COPG2: variants seen among roughly 807,000 people sequenced by gnomAD.
The protein encoded by COPG2 is coat protein complex I subunit gamma 2, also known as coatomer subunit gamma-2.
Under a neutral mutation model 46.3 loss-of-function variants are expected in COPG2, and 37 were observed. The ratio of observed to expected loss-of-function variants is 0.80; its 90% CI spans 0.61 to 1.05. COPG2 has a LOEUF of 1.05. Ranked by LOEUF, COPG2 falls within the 50% of genes least tolerant of loss-of-function variation. The pLI is 0.00. For missense variants in COPG2, 427 were observed against 387.8 expected (o/e 1.10, Z -0.85); for synonymous variants, 159 against 129.7 (o/e 1.23, Z -1.53).
chr7:130,591,960 G>C (rs1333923911), intron 9 of COPG2, among the ~76,000 whole-genome samples: 9 of 152,210 alleles, frequency 5.9e-5, no homozygotes, highest in East Asian at 1.9e-4. Flanking sequence ...GAATAGAAAG[G>C]GGGGAAAGGC....
intron 7 of COPG2, 52 bp from the exon 8 acceptor site, chr7:130,612,290 CT>C: frequency 8.8e-7 from 1 of 1,131,762 alleles, no homozygotes. Flanking sequence ...TCACTAGAAG[CT>C]TAGAAACATG....
intron 9 of COPG2, among the ~76,000 whole-genome samples, chr7:130,585,333 CTAAAAT>C (rs2116448103): frequency 6.6e-6 from 1 of 152,104 alleles, no homozygotes; most frequent in African/African-American, 2.4e-5. Flanking sequence ...GGATTAAGGA[CTAAAAT>C]CTAAGACCTG....
At chr7:130,568,241 C>T (rs1793837168) in intron 9 of COPG2, among the ~76,000 whole-genome samples, 1 of 152,074 alleles carries the variant, frequency 6.6e-6, no homozygotes, top group African/African-American at 2.4e-5. Context: ...CGCCATTGCA[C>T]TCCAGCCTGG....
intron 20 of COPG2, among the ~76,000 whole-genome samples, chr7:130,532,261 G>A (rs1222233022): frequency 2.6e-5 from 4 of 152,204 alleles, no homozygotes; most frequent in African/African-American, 4.8e-5. Flanking sequence ...GGTTTCCAAC[G>A]CCTCGGTCCC....
chr7:130,630,274 T>C (rs1354408720), intron 5 of COPG2, among the ~76,000 whole-genome samples: 8 of 152,198 alleles, frequency 5.3e-5, no homozygotes, highest in South Asian at 2.1e-4. Flanking sequence ...ATATATCTTA[T>C]ACATCTTTCA....
chr7:130,538,557 TAGGAA>T (rs1459219484), intron 20 of COPG2, among the ~76,000 whole-genome samples: 2 of 151,390 alleles, frequency 1.3e-5, no homozygotes, highest in Non-Finnish European at 2.9e-5. Flanking sequence ...AGTGGATCCT[TAGGAA>T]AGGAAAGTAG....
At chr7:130,653,220 T>C (rs1210695920) in intron 4 of COPG2, among the ~76,000 whole-genome samples, 3 of 152,156 alleles carry the variant, frequency 2.0e-5, no homozygotes, top group African/African-American at 7.2e-5. Flanking sequence ...TAGACTATGA[T>C]AGCTTGAGTC....
At chr7:130,508,984 G>T (rs377643608) in intron 20 of COPG2, 6 of 458,078 alleles carry the variant, frequency 1.3e-5, no homozygotes, top group East Asian at 1.2e-4. Flanking sequence ...GGGCCTAAAT[G>T]TTGAAAAATA....
intron 4 of COPG2, 82 bp from the exon 5 acceptor site, chr7:130,653,030 G>A: frequency 1.2e-6 from 1 of 808,416 alleles, no homozygotes. Flanking sequence ...ACCCCAAGTA[G>A]ATATATATTT....
chr7:130,531,139 G>T (rs1799821090), intron 20 of COPG2, among the ~76,000 whole-genome samples: 1 of 126,964 alleles, frequency 7.9e-6, no homozygotes, highest in African/African-American at 3.0e-5. Context: ...GGAGGGCAGG[G>T]TTGGGAATGG....
At chr7:130,509,765 T>C (rs376482591) in intron 20 of COPG2, 1 of 515,494 alleles carries the variant, frequency 1.9e-6, no homozygotes, top group Non-Finnish European at 3.9e-6. Context: ...GTGTGTGTGA[T>C]CTATCTATGA....
rs1554449829 is a variant in COPG2 at position 130,597,335 on chromosome 7, T to C, written c.737+13618A>G. Reference sequence around the variant, plus strand: ...ATCTTTTTCGATGTCTGATCTAGCCTACTGCAGACAGAGGTTGGGCCAATT... The same window carrying C: ...ATCTTTTTCGATGTCTGATCTAGCCCACTGCAGACAGAGGTTGGGCCAATT... On this transcript the variant is annotated intron_variant, in intron 9 of 23. Coordinates refer to ENST00000425248, the MANE Select transcript of COPG2 (RefSeq NM_012133.6). 1.6e-4 allele frequency among the ~76,000 whole-genome samples: 24 copies of C among 152,264 alleles called. 1 individual carries two copies. Among genetic ancestry groups the C allele is most frequent in the Non-Finnish European group, 2.9e-4 (20 of 68,050 alleles).
chr7:130,573,930 T>C (rs1466517805), intron 9 of COPG2, among the ~76,000 whole-genome samples: 2 of 152,196 alleles, frequency 1.3e-5, no homozygotes, highest in Non-Finnish European at 2.9e-5. Flanking sequence ...GAAAATAGTT[T>C]GGCAATTTCT....
At chr7:130,664,486 G>A (rs568522354) in intron 3 of COPG2, among the ~76,000 whole-genome samples, 12 of 152,242 alleles carry the variant, frequency 7.9e-5, no homozygotes, top group African/African-American at 2.9e-4. Flanking sequence ...TTTTTTACTT[G>A]AAACTCAGAA....
At chr7:130,617,306 TATC>T (rs1419749664) in intron 5 of COPG2, among the ~76,000 whole-genome samples, 2 of 152,210 alleles carry the variant, frequency 1.3e-5, no homozygotes, top group Non-Finnish European at 2.9e-5. Context: ...TCATGGAACT[TATC>T]ATTCTGGGAG....
intron 3 of COPG2, among the ~76,000 whole-genome samples, chr7:130,664,679 T>C (rs1796039097): frequency 6.6e-6 from 1 of 152,240 alleles, no homozygotes; most frequent in Admixed American, 6.5e-5. Flanking sequence ...AGTTGCCTCA[T>C]TGAAGAGGTA....
intron 9 of COPG2, among the ~76,000 whole-genome samples, chr7:130,601,286 C>A (rs782531478): frequency 6.6e-5 from 10 of 152,148 alleles, no homozygotes; most frequent in Non-Finnish European, 1.2e-4. Flanking sequence ...CCAGAAATAC[C>A]ATTTGACCCA....
At chr7:130,640,122 T>C (rs1795435309) in intron 5 of COPG2, among the ~76,000 whole-genome samples, 1 of 149,394 alleles carries the variant, frequency 6.7e-6, no homozygotes, top group South Asian at 2.1e-4. Flanking sequence ...AAACAAGGAT[T>C]CTCCCCCAGC....
intron 9 of COPG2, among the ~76,000 whole-genome samples, chr7:130,591,738 G>GC (rs1440964534): frequency 8.5e-4 from 121 of 141,982 alleles, no homozygotes; most frequent in Admixed American, 8.3e-4. Flanking sequence ...GGGGGGGTCA[G>GC]CCCCCCGCCC....
Sources: gnomAD v4.1 joint callset for allele counts (sites outside exome capture counted in the v4.1 genomes callset) on GRCh38, gnomAD v4.1.1 for gene constraint, MANE v1.5 for transcripts, NCBI Gene and HGNC (gene_info 2026-07-23, HGNC 2026-07-21) for gene names.